The following TRAK1 variants were observed in gnomAD, a reference collection of about 807,000 sequenced individuals.
The protein encoded by TRAK1 is trafficking kinesin protein 1.
In TRAK1, 33 loss-of-function variants were observed where a neutral mutation model predicts 92.1. That is an observed-to-expected ratio of 0.36 (90% CI 0.27 to 0.48). TRAK1 has a LOEUF of 0.48. TRAK1 is among the 20% of genes least tolerant of loss of function. The probability of loss-of-function intolerance (pLI) is 0.99; values close to 1 mark genes in which losing one functional copy is unlikely to be tolerated. For synonymous variants in TRAK1, 521 were observed against 517.3 expected, an observed-to-expected ratio of 1.01 and a Z score of -0.10; for missense variants, 1,123 against 1,257.9, an observed-to-expected ratio of 0.89 and a Z score of 1.62.
rs760352110 is a variant in TRAK1, at chr3:42,223,188, C to T, written c.2313C>T (p.Tyr771=). The T allele has an allele frequency of 4.3e-6, 7 of 1,614,190 alleles. No individual in the cohort carries two copies. In the Middle Eastern group the frequency reaches 6.6e-4, roughly 152 times the overall value. ...GCCGGGGCTCCCTCCTGCACTCCTA[C>T]ACGCCCAAGATGGCTGTGATCCCCT... ...RAGRGSLLHS[Y]TPKMAVIPST... The change falls in exon 16 of 16, where the codon TAC becomes TAT. Residue 771 remains tyrosine, a synonymous_variant. Transcript: ENST00000327628. The surrounding 1 kb of genome is among the most constrained non-coding windows in gnomAD (Gnocchi z 6.1).
At chr3:42,222,476 C>T (rs564010223) in intron 15 of TRAK1, among the ~76,000 whole-genome samples, 1 of 152,278 alleles carries the variant, frequency 6.6e-6, no homozygotes, top group African/African-American at 2.4e-5. Context: ...TCCCAGAGTC[C>T]TGGTTCACGT....
intron 14 of TRAK1, chr3:42,212,333 C>T: frequency 2.0e-6 from 2 of 985,388 alleles, no homozygotes; most frequent in Non-Finnish European, 2.4e-6. Context: ...TGCCTGGGAA[C>T]ACTCAGTAGG....
chr3:42,222,893 T>C, intron 15 of TRAK1, 49 bp from the exon 16 acceptor site: 1 of 1,574,246 alleles, frequency 6.4e-7, no homozygotes, highest in Non-Finnish European at 8.6e-7. Context: ...ACCCTTTCTC[T>C]GGAGCTCATG....
intron 1 of TRAK1, among the ~76,000 whole-genome samples, chr3:42,039,914 T>C (rs1702471016): frequency 6.6e-6 from 1 of 152,228 alleles, no homozygotes; most frequent in Non-Finnish European, 1.5e-5. Context: ...ATTATAGGCA[T>C]CCTAGTGGGT....
At chr3:42,070,252 A>G (rs1044984857) in intron 1 of TRAK1, among the ~76,000 whole-genome samples, 17 of 145,682 alleles carry the variant, frequency 1.2e-4, no homozygotes, top group Admixed American at 1.0e-3. Context: ...AATAATAATT[A>G]TTATAATTAT....
At chr3:42,152,017 A>G (rs1223506076) in intron 2 of TRAK1, among the ~76,000 whole-genome samples, 5 of 152,230 alleles carry the variant, frequency 3.3e-5, no homozygotes, top group Admixed American at 6.5e-5. Context: ...ATGTATATGG[A>G]TGGGAATATA....
intron 15 of TRAK1, 73 bp downstream of exon 15, chr3:42,219,669 T>A: frequency 6.4e-7 from 1 of 1,569,510 alleles, no homozygotes; most frequent in East Asian, 2.2e-5. Flanking sequence ...CAAGGCTTAA[T>A]GTTGAGGAAA....
At chr3:42,201,664 T>C (rs1707583989) in intron 12 of TRAK1, among the ~76,000 whole-genome samples, 1 of 151,894 alleles carries the variant, frequency 6.6e-6, no homozygotes, top group African/African-American at 2.4e-5. Flanking sequence ...GGCTACAGAA[T>C]AGACATTTGT....
rs1408347123 is a variant in TRAK1 at position 42,214,892 on chromosome 3, C to T, written c.1964-4602C>T. Among the ~76,000 whole-genome samples the T allele has an allele frequency of 3.3e-5, 5 of 152,304 alleles. No individual in the cohort carries two copies. The South Asian group carries it at 1.0e-3, about 32-fold the overall frequency. ...CCTCTGTGAAGCCCAGAACTAAGGC[C>T]TTTAAAAGTGTTATCTTGTACAACA... is the stretch of plus-strand genomic sequence containing the variant. On this transcript the variant is annotated intron_variant, in intron 14 of 15. Coordinates refer to ENST00000327628, the MANE Select transcript of TRAK1 (RefSeq NM_001042646.3).
chr3:42,106,115 C>T (rs1156291851), intron 1 of TRAK1, among the ~76,000 whole-genome samples: 2 of 152,140 alleles, frequency 1.3e-5, no homozygotes, highest in Non-Finnish European at 2.9e-5. Context: ...CATCAACTAA[C>T]GAGCAAAATA....
In TRAK1 at chr3:42,160,714, C is replaced by T. The variant is rs138650052; in HGVS notation, c.287-16100C>T. 3.8e-3 allele frequency among the ~76,000 whole-genome samples: 581 copies of T among 152,142 alleles called. 4 individuals are homozygous for T. Among genetic ancestry groups the T allele is most frequent in the South Asian group, 8.9e-3 (43 of 4,806 alleles). Reference sequence around the variant, plus strand: ...TGGTCCCTTTCTAGTTTACATCTACCTTCCCAGAAACAATTATTATGACTT... The same window carrying T: ...TGGTCCCTTTCTAGTTTACATCTACTTTCCCAGAAACAATTATTATGACTT... On this transcript the variant is annotated intron_variant, in intron 2 of 15. Transcript: ENST00000327628.
chr3:42,055,968 A>G (rs569309883), intron 1 of TRAK1, among the ~76,000 whole-genome samples: 1 of 152,210 alleles, frequency 6.6e-6, no homozygotes, highest in South Asian at 2.1e-4. Context: ...TTCACTTAGC[A>G]TAACGTTTTC....
chr3:42,194,030 G>A, intron 9 of TRAK1, 132 bp downstream of exon 9: 1 of 890,282 alleles, frequency 1.1e-6, no homozygotes, highest in Non-Finnish European at 1.7e-6. Flanking sequence ...TTTATTCGTG[G>A]GAGAGTAAAC....
chr3:42,056,004 A>G (rs1703191434), intron 1 of TRAK1, among the ~76,000 whole-genome samples: 1 of 152,228 alleles, frequency 6.6e-6, no homozygotes, highest in Non-Finnish European at 1.5e-5. Flanking sequence ...TGTAGTAGGT[A>G]TCAGTACTTC....
Position 42,097,487 on chromosome 3 carries a change from C to T in TRAK1, c.91+5927C>T, listed in dbSNP as rs143661496. Among the ~76,000 whole-genome samples the T allele has an allele frequency of 2.4e-3, 368 of 152,274 alleles. 3 individuals are homozygous for T. The highest frequency in any genetic ancestry group is 8.3e-3 in the African/African-American group (347 of 41,558). On this transcript the variant is annotated intron_variant, in intron 1 of 15. Coordinates refer to ENST00000327628, the MANE Select transcript of TRAK1 (RefSeq NM_001042646.3). ...GCCAGCTGAGGTGTATAAACGGCAG[C>T]AGCCCCTGATCTTGATTTACGTTCC...
intron 14 of TRAK1, among the ~76,000 whole-genome samples, chr3:42,214,796 T>C (rs1709473059): frequency 6.6e-6 from 1 of 152,210 alleles, no homozygotes; most frequent in South Asian, 2.1e-4. Flanking sequence ...CAGGGACCTC[T>C]ACGGAGCTGC....
At chr3:42,178,080 C>G (rs538666714) in intron 3 of TRAK1, among the ~76,000 whole-genome samples, 54 of 152,298 alleles carry the variant, frequency 3.5e-4, no homozygotes, top group Non-Finnish European at 6.8e-4. Flanking sequence ...TCTGTTTCCC[C>G]CAACAGTGCT....
Position 42,202,959 on chromosome 3 carries a change from C to T in TRAK1, c.1744+207C>T. The T allele has an allele frequency of 7.3e-7, 1 of 1,370,148 alleles. No homozygotes were observed. Among genetic ancestry groups the T allele is most frequent in the South Asian group, 1.9e-5 (1 of 53,022 alleles). The allele number at this position is 1,370,148 out of a possible 1,614,324, so 84.9% of individuals were successfully genotyped here. A position where few individuals can be genotyped will look rare whatever the true frequency, so the allele number is the denominator to read the frequency against. On this transcript the variant is annotated intron_variant, in intron 13 of 15. Transcript: ENST00000327628. This position sits in a 1 kb window ranked among gnomAD's most constrained non-coding sequence, Gnocchi z 6.1. ...CCTCTGGCTGGCAGGTGTGACAATG[C>T]ACACATAGGCCATGAAACTCGCCGA...
chr3:42,188,003 A>G (rs1192806519), intron 4 of TRAK1, 42 bp from the exon 5 acceptor site: 1 of 1,557,482 alleles, frequency 6.4e-7, no homozygotes, highest in South Asian at 1.1e-5. Context: ...GGACAGTATC[A>G]CCTTTTGGGA....
Sources: gnomAD v4.1 joint callset for allele counts (sites outside exome capture counted in the v4.1 genomes callset) on GRCh38, gnomAD v4.1.1 for gene constraint, Gnocchi (gnomAD v3.1) non-coding constraint, MANE v1.5 for transcripts, NCBI Gene and HGNC (gene_info 2026-07-23, HGNC 2026-07-21) for gene names.